The following FANCA variants were observed in gnomAD, a reference collection of about 807,000 sequenced individuals.
FANCA encodes the protein FA complementation group A.
Under a neutral mutation model 194.3 loss-of-function variants are expected in FANCA, and 236 were observed. That is an observed-to-expected ratio of 1.21 (90% CI 1.09 to 1.35). The LOEUF (loss-of-function observed/expected upper bound fraction) is 1.35, where lower values mean the gene tolerates loss of function less well. Among genes scored for constraint, FANCA ranks in the 40% most tolerant of loss-of-function variants. The probability of loss-of-function intolerance (pLI) is 0.00; values close to 1 mark genes in which losing one functional copy is unlikely to be tolerated. For synonymous variants in FANCA, 1,014 were observed against 715.8 expected, an observed-to-expected ratio of 1.42 and a Z score of -6.65; for missense variants, 2,628 against 1,813.9, an observed-to-expected ratio of 1.45 and a Z score of -8.15.
Position 89,739,090 on chromosome 16 carries a change from T to TG in FANCA, c.4167+42dup, listed in dbSNP as rs747194256. 9 of 1,613,750 alleles carry TG rather than the reference T, an allele frequency of 5.6e-6. No individual in the cohort carries two copies. In the East Asian group the frequency reaches 6.7e-5, roughly 12 times the overall value. On this transcript the variant is annotated intron_variant, in intron 41 of 42. Transcript: ENST00000389301. ...TTCTTTGGCAGAAGGAGCCTCCGGCTGGGGGGAGCTCCCCTGGAGGTGGGA... is the reference window on the plus strand; with the variant it reads ...TTCTTTGGCAGAAGGAGCCTCCGGCTGGGGGGGAGCTCCCCTGGAGGTGGGA...
chr16:89,774,523 G>A (rs2039428661), intron 21 of FANCA, among the ~76,000 whole-genome samples: 1 of 151,828 alleles, frequency 6.6e-6, no homozygotes, highest in Non-Finnish European at 1.5e-5. Context: ...GAGGTCAGGA[G>A]ATTGAGACCA....
Position 89,737,967 on chromosome 16 carries a change from G to T in FANCA, c.*634C>A, listed in dbSNP as rs1311274808. 2.5e-6 allele frequency: 4 copies of T among 1,614,098 alleles called. No homozygotes were observed. The highest frequency in any genetic ancestry group is 3.4e-6 in the Non-Finnish European group (4 of 1,179,990). ...CCCTCGCACCTTCTTATCTGCCTCT[G>T]TCCCCCAGGTGTGAGGTCTGTGGGT... On this transcript the variant is annotated 3_prime_UTR_variant, in exon 43 of 43. Transcript: ENST00000389301.
At position 89,773,302 on chromosome 16, in the gene FANCA, T is replaced by G; in HGVS notation, c.1983A>C (p.Arg661Ser). The change falls in exon 22 of 43, where the codon AGA becomes AGC. Residue 661 changes from arginine (R) to serine (S), a missense_variant. Arg to Ser is a moderately radical substitution (Grantham distance 110, BLOSUM62 -1). Coordinates refer to ENST00000389301, the MANE Select transcript of FANCA (RefSeq NM_000135.4). ...GCTGGCTGGGGTCTGTCATGGAGGCTCTCAGCTCTCCCAGTGCAGCTGTGA... is the reference window on the plus strand; with the variant it reads ...GCTGGCTGGGGTCTGTCATGGAGGCGCTCAGCTCTCCCAGTGCAGCTGTGA... ...GQLTAALGEL[R>S]ASMTDPSQRD... 6.4e-7 allele frequency: 1 copy of G among 1,551,394 alleles called. No individual in the cohort carries two copies. The highest frequency in any genetic ancestry group is 8.7e-7 in the Non-Finnish European group (1 of 1,146,930).
intron 14 of FANCA, 134 bp from the exon 15 acceptor site, chr16:89,785,098 T>C (rs1276137504): frequency 4.2e-6 from 3 of 722,194 alleles, no homozygotes; most frequent in Admixed American, 4.0e-5. Context: ...CAGTGTCCTG[T>C]GTGGAGAGAA....
chr16:89,803,380 T>C (rs913140138), intron 7 of FANCA, 39 bp from the exon 8 acceptor site: 3 of 1,574,136 alleles, frequency 1.9e-6, no homozygotes, highest in Non-Finnish European at 2.6e-6. Context: ...ATGGACATCA[T>C]GGTCTCCAAG....
intron 36 of FANCA, among the ~76,000 whole-genome samples, chr16:89,744,114 C>G (rs886955688): frequency 1.3e-5 from 2 of 152,152 alleles, no homozygotes; most frequent in African/African-American, 4.8e-5. Context: ...AGGCTGGTCT[C>G]AAACTCCTGA....
rs2039266002 is a variant in FANCA at position 89,769,973 on chromosome 16, G to A, written c.2368C>T (p.His790Tyr). 1 of 1,613,980 alleles carries A rather than the reference G, an allele frequency of 6.2e-7. No homozygotes were observed. The highest frequency in any genetic ancestry group is 1.1e-5 in the South Asian group (1 of 91,080). Reference sequence around the variant, plus strand: ...AGCGCAGACCTGGACTCACCCAGGTGCACGGCCAGGGCAGCCAACCCCAGC... The same window carrying A: ...AGCGCAGACCTGGACTCACCCAGGTACACGGCCAGGGCAGCCAACCCCAGC... ...HVLGLAALAVHLGESRSALPE... is the reference protein window; with the variant it reads ...HVLGLAALAVYLGESRSALPE... Residue 790 changes from histidine (H) to tyrosine (Y), a missense_variant, in exon 26 of 43, where the codon CAC (histidine) becomes TAC (tyrosine). By Grantham distance (83) the His-to-Tyr change is moderately conservative (BLOSUM62 2). Transcript: ENST00000389301.
Position 89,758,579 on chromosome 16 carries a change from T to G in FANCA, c.2979A>C (p.Gln993His). 4 of 1,613,526 alleles carry G rather than the reference T, an allele frequency of 2.5e-6. No individual in the cohort carries two copies. The South Asian group carries it at 3.3e-5, about 13-fold the overall frequency. ...CTAATACAGTGTGTGCTGCTAACCTTTGGTGGAAATCCATCAGTGCGTTGA... is the reference window on the plus strand; with the variant it reads ...CTAATACAGTGTGTGCTGCTAACCTGTGGTGGAAATCCATCAGTGCGTTGA... ...ILVNALMDFH[Q>H]SSRSYDHSEN... Residue 993 changes from glutamine to histidine, a missense_variant and splice_region_variant, in exon 30 of 43, where the codon CAA becomes CAC. Physicochemically the swap from Gln to His is conservative, Grantham distance 24. Transcript: ENST00000389301.
chr16:89,792,872 T>G (rs182526638), intron 11 of FANCA: 2 of 367,892 alleles, frequency 5.4e-6, no homozygotes, highest in Admixed American at 3.7e-5. Flanking sequence ...TAGGGGGCCC[T>G]TCCCTGCCTG....
At chr16:89,748,518 T>C in intron 33 of FANCA, 141 bp downstream of exon 33, 1 of 754,678 alleles carries the variant, frequency 1.3e-6, no homozygotes, top group Non-Finnish European at 2.3e-6. Context: ...CACATGGCAT[T>C]CCAGACACTG....
intron 29 of FANCA, among the ~76,000 whole-genome samples, chr16:89,761,318 C>A (rs1453367566): frequency 6.6e-5 from 10 of 150,730 alleles, no homozygotes; most frequent in Non-Finnish European, 2.9e-5. Flanking sequence ...ACTCGGGAGG[C>A]TGAGCCAGGA....
At chr16:89,746,775 G>A in intron 34 of FANCA, 56 bp downstream of exon 34, 2 of 1,589,276 alleles carry the variant, frequency 1.3e-6, no homozygotes, top group South Asian at 2.2e-5. Context: ...GCTGACAGGA[G>A]GATCCACCCA....
chr16:89,792,724 C>A, intron 11 of FANCA, 177 bp from the exon 12 acceptor site: 1 of 589,776 alleles, frequency 1.7e-6, no homozygotes, highest in Admixed American at 2.3e-5. Flanking sequence ...CCCGGGGGAC[C>A]ACTACCATCA....
In FANCA at chr16:89,742,854, G is replaced by A; in HGVS notation, c.3711C>T (p.Val1237=). The A allele has an allele frequency of 6.2e-7, 1 of 1,614,132 alleles. No individual in the cohort carries two copies. The highest frequency in any genetic ancestry group is 8.5e-7 in the Non-Finnish European group (1 of 1,180,022). The change falls in exon 37 of 43, where the codon GTC becomes GTT. Residue 1237 remains valine, a synonymous_variant. Coordinates refer to ENST00000389301, the MANE Select transcript of FANCA (RefSeq NM_000135.4). ...GCTGCTTCCTGATGTTTTCTTCCCT[G>A]ACTTGTTGAATCGCAAAGTGCAGTG... ...AAALHFAIQQ[V]REENIRKQLK... is the part of the protein sequence containing the mutation.
chr16:89,792,179 G>T, intron 12 of FANCA, 111 bp from the exon 13 acceptor site: 1 of 1,278,750 alleles, frequency 7.8e-7, no homozygotes, highest in Non-Finnish European at 1.1e-6. Flanking sequence ...ACTTCCCACT[G>T]CAAAGGTAAC....
chr16:89,795,284 CAATAAATAAATAAATAAATA>C (rs71391243), intron 11 of FANCA, among the ~76,000 whole-genome samples: 12 of 140,012 alleles, frequency 8.6e-5, no homozygotes, highest in Admixed American at 3.7e-4. Flanking sequence ...ACTCCATCTC[CAATAAATAAATAAATAAATA>C]AATAAATAAA....
At chr16:89,784,038 G>T (rs1342631671) in intron 15 of FANCA, among the ~76,000 whole-genome samples, 1 of 152,088 alleles carries the variant, frequency 6.6e-6, no homozygotes, top group Non-Finnish European at 1.5e-5. Flanking sequence ...TGGGTTACAG[G>T]TGTGAGCCAC....
chr16:89,749,942 G>A (rs1402831420), intron 31 of FANCA, 40 bp from the exon 32 acceptor site: 1 of 1,610,480 alleles, frequency 6.2e-7, no homozygotes, highest in South Asian at 1.1e-5. Context: ...AGGCCTCGGG[G>A]CTCACTGCCC....
intron 11 of FANCA, among the ~76,000 whole-genome samples, chr16:89,793,367 C>G (rs1407295816): frequency 2.6e-5 from 4 of 152,152 alleles, no homozygotes; most frequent in African/African-American, 9.7e-5. Context: ...ACCATGTCCC[C>G]TCAGCTCCTG....
Sources: allele counts gnomAD v4.1 joint callset (sites outside exome capture counted in the v4.1 genomes callset), GRCh38; gene constraint gnomAD v4.1.1; transcripts MANE v1.5; gene names NCBI Gene and HGNC (gene_info 2026-07-23, HGNC 2026-07-21).